RBFOX1: variants seen among roughly 807,000 people sequenced by gnomAD.
RBFOX1 encodes the protein RNA binding fox-1 homolog 1, also known as RNA binding protein fox-1 homolog 1.
RBFOX1 carries 8 observed loss-of-function variants against 57.7 expected under a neutral mutation model. The observed-to-expected ratio is 0.14, with a 90% confidence interval of 0.08 to 0.25. The LOEUF (loss-of-function observed/expected upper bound fraction) is 0.25. Among genes scored for constraint, RBFOX1 ranks in the 10% least tolerant of loss-of-function variants. RBFOX1 has a pLI of 1.00. For synonymous variants in RBFOX1, 326 were observed against 222.4 expected (o/e 1.47, Z -4.15); for missense variants, 611 against 548.5 (o/e 1.11, Z -1.14).
rs192096687 is a variant in RBFOX1 at position 5,322,717 on chromosome 16, C to T, written c.219+82612C>T. On this transcript the variant is annotated intron_variant, in intron 1 of 2. Transcript: ENST00000585867. ...CCCAGTAATCTCCTTATGAGTCATG[C>T]GACTTCTAATGTATCATTTTCTTTC... Among the ~76,000 whole-genome samples, 29 of 152,280 alleles carry T rather than the reference C, an allele frequency of 1.9e-4. No homozygotes were observed. In the East Asian group the frequency reaches 4.4e-3, roughly 23 times the overall value.
intron 1 of RBFOX1, among the ~76,000 whole-genome samples, chr16:5,252,891 C>T (rs569654046): frequency 6.6e-6 from 1 of 152,202 alleles, no homozygotes; most frequent in Non-Finnish European, 1.5e-5. Context: ...GCTTTAGAAG[C>T]TTCTCCCTCC....
At chr16:5,495,795 C>T (rs2042982681) in intron 2 of RBFOX1, among the ~76,000 whole-genome samples, 1 of 152,212 alleles carries the variant, frequency 6.6e-6, no homozygotes. Flanking sequence ...CCTTTTTCTC[C>T]AGGCATCTTC....
chr16:6,465,102 T>G (rs2095014728), intron 2 of RBFOX1, among the ~76,000 whole-genome samples: 1 of 152,262 alleles, frequency 6.6e-6, no homozygotes, highest in Admixed American at 6.5e-5. Context: ...GTGTAAACAT[T>G]GTTCTTATGG....
At chr16:5,789,203 G>A (rs2151726361) in intron 3 of RBFOX1, among the ~76,000 whole-genome samples, 1 of 152,286 alleles carries the variant, frequency 6.6e-6, no homozygotes, top group South Asian at 2.1e-4. Flanking sequence ...ATTTGTCTTA[G>A]CTCTGCCATC....
At chr16:5,318,609 CA>C (rs1242614258) in intron 1 of RBFOX1, among the ~76,000 whole-genome samples, 4 of 152,082 alleles carry the variant, frequency 2.6e-5, no homozygotes, top group African/African-American at 9.7e-5. Flanking sequence ...AAAAACAAAA[CA>C]AAACACTTTA....
intron 4 of RBFOX1, among the ~76,000 whole-genome samples, chr16:7,515,390 G>T (rs1250815527): frequency 1.3e-5 from 2 of 151,812 alleles, no homozygotes; most frequent in Non-Finnish European, 2.9e-5. Context: ...TTTAAGTACA[G>T]CATGGAAACA....
chr16:6,723,403 C>A (rs1056640944), intron 3 of RBFOX1, among the ~76,000 whole-genome samples: 7 of 152,128 alleles, frequency 4.6e-5, no homozygotes, highest in African/African-American at 9.7e-5. Flanking sequence ...CTTAAAGATA[C>A]CACTATGGAG....
chr16:7,221,194 C>T (rs1603337778), intron 4 of RBFOX1, among the ~76,000 whole-genome samples: 1 of 152,036 alleles, frequency 6.6e-6, no homozygotes, highest in Admixed American at 6.6e-5. Flanking sequence ...ATTAAAACAG[C>T]TGCCTTGTAC....
intron 5 of RBFOX1, among the ~76,000 whole-genome samples, chr16:7,553,622 G>T (rs2087310573): frequency 6.6e-6 from 1 of 152,178 alleles, no homozygotes; most frequent in African/African-American, 2.4e-5. Flanking sequence ...AGTGGCCAGT[G>T]CACTTGAAAG....
At chr16:7,518,761 G>A (rs2076929337) in intron 5 of RBFOX1, among the ~76,000 whole-genome samples, 1 of 152,166 alleles carries the variant, frequency 6.6e-6, no homozygotes, top group African/African-American at 2.4e-5. Context: ...GGTGGCTCAT[G>A]CCTGTGATCC....
At chr16:6,061,642 T>C (rs2095687589) in intron 1 of RBFOX1, among the ~76,000 whole-genome samples, 1 of 151,988 alleles carries the variant, frequency 6.6e-6, no homozygotes, top group African/African-American at 2.4e-5. Context: ...AGAAATTTAT[T>C]CTTAACAATA....
intron 4 of RBFOX1, among the ~76,000 whole-genome samples, chr16:7,149,078 C>A (rs17669927): frequency 0.23 from 34,224 of 152,100 alleles, 4,813 homozygotes; most frequent in East Asian, 0.39. Context: ...AAAACATTTC[C>A]TTTCTCACAG....
At chr16:7,441,369 T>C (rs558018479) in intron 4 of RBFOX1, among the ~76,000 whole-genome samples, 2 of 152,294 alleles carry the variant, frequency 1.3e-5, no homozygotes, top group South Asian at 2.1e-4. Context: ...ATAAAGTTTA[T>C]TTTCAAAGGA....
intron 2 of RBFOX1, among the ~76,000 whole-genome samples, chr16:6,499,689 G>C (rs936991107): frequency 6.6e-6 from 1 of 151,978 alleles, no homozygotes; most frequent in African/African-American, 2.4e-5. Context: ...TGACCCCAGA[G>C]TCCTATGTTG....
At chr16:7,161,673 A>G (rs777544297) in intron 4 of RBFOX1, among the ~76,000 whole-genome samples, 5 of 152,176 alleles carry the variant, frequency 3.3e-5, no homozygotes, top group Non-Finnish European at 7.4e-5. Context: ...TCACAAATGC[A>G]GAAATAAGTG....
At chr16:6,929,860 C>G (rs900529124) in intron 3 of RBFOX1, among the ~76,000 whole-genome samples, 11 of 152,072 alleles carry the variant, frequency 7.2e-5, no homozygotes, top group African/African-American at 2.4e-5. Context: ...TTCATCCTGA[C>G]CTACATTTAA....
chr16:7,622,061 A>C (rs1472845061), intron 10 of RBFOX1, among the ~76,000 whole-genome samples: 5 of 152,196 alleles, frequency 3.3e-5, no homozygotes, highest in Admixed American at 1.3e-4. Flanking sequence ...CCTAGCTCAC[A>C]GACCATACAA....
chr16:7,401,760 C>A (rs146895004), intron 4 of RBFOX1, among the ~76,000 whole-genome samples: 1 of 152,088 alleles, frequency 6.6e-6, no homozygotes, highest in African/African-American at 2.4e-5. Flanking sequence ...ACTCAACAGA[C>A]ATATTGGCAC....
In RBFOX1 at chr16:6,378,026, C is replaced by T. The variant is rs143888238; in HGVS notation, c.-64+60969C>T. On this transcript the variant is annotated intron_variant, in intron 2 of 15. Transcript: ENST00000550418. The stretch of plus-strand genomic sequence containing the variant: ...AACGAGGTGATCTAGTGTTCTTCCT[C>T]TGCGTCCTCTGGTCTTCTAGCATCC... Among the ~76,000 whole-genome samples the T allele has an allele frequency of 7.7e-3, 1,178 of 152,306 alleles. 13 individuals carry two copies. The highest frequency in any genetic ancestry group is 0.029 in the South Asian group (138 of 4,816).
Sources: gnomAD v4.1 joint callset for allele counts (sites outside exome capture counted in the v4.1 genomes callset) on GRCh38, gnomAD v4.1.1 for gene constraint, MANE v1.5 for transcripts, NCBI Gene and HGNC (gene_info 2026-07-23, HGNC 2026-07-21) for gene names.